Variants in MARCHF6 observed in about 807,000 individuals in gnomAD.
MARCHF6 encodes the protein E3 ubiquitin-protein ligase MARCHF6.
In MARCHF6, 31 loss-of-function variants were observed where a neutral mutation model predicts 133.7. That is an observed-to-expected ratio of 0.23 (90% CI 0.17 to 0.31). MARCHF6 has a LOEUF of 0.31. MARCHF6 is among the 10% of genes least tolerant of loss of function. The pLI is 1.00. For missense variants in MARCHF6, 723 were observed against 1,121.6 expected, an observed-to-expected ratio of 0.64 and a Z score of 5.08; for synonymous variants, 395 against 402.5, an observed-to-expected ratio of 0.98 and a Z score of 0.22.
At chr5:10,363,585 A>G (rs974956122) in intron 1 of MARCHF6, among the ~76,000 whole-genome samples, 1 of 152,218 alleles carries the variant, frequency 6.6e-6, no homozygotes, top group African/African-American at 2.4e-5. Flanking sequence ...CCTCAAAAAG[A>G]TAAGCTGAGT....
intron 10 of MARCHF6, 76 bp from the exon 11 acceptor site, chr5:10,400,708 T>G (rs1011630186): frequency 2.0e-5 from 21 of 1,065,302 alleles, no homozygotes; most frequent in Non-Finnish European, 3.1e-5. Flanking sequence ...CCTAGTTCCT[T>G]TTAGTGGGGA....
chr5:10,406,119 C>T (rs576512743), intron 16 of MARCHF6, among the ~76,000 whole-genome samples: 4 of 152,164 alleles, frequency 2.6e-5, no homozygotes, highest in Non-Finnish European at 4.4e-5. Context: ...ATTGTGTGCT[C>T]ATTATGAGAA....
At position 10,391,960 on chromosome 5, in the gene MARCHF6, C is replaced by CT. The variant is rs533523322; in HGVS notation, c.766+243dup. Among the ~76,000 whole-genome samples, 956 of 140,254 alleles carry CT rather than the reference C, an allele frequency of 6.8e-3. 8 individuals carry two copies. The highest frequency in any genetic ancestry group is 0.017 in the African/African-American group (654 of 38,370). The allele number at this position is 140,254 out of a possible 152,430, so 92.0% of individuals were successfully genotyped here. A position where few individuals can be genotyped will look rare whatever the true frequency, so the allele number is the denominator to read the frequency against. On this transcript the variant is annotated intron_variant, in intron 7 of 25. Coordinates refer to ENST00000274140, the MANE Select transcript of MARCHF6 (RefSeq NM_005885.4). ...GTTTTAAAATCCTTTTTACACAGGCCTTTTTTTTTTTTTTGGGAGACTGAG... is the reference window on the plus strand; with the variant it reads ...GTTTTAAAATCCTTTTTACACAGGCCTTTTTTTTTTTTTTTGGGAGACTGAG...
In MARCHF6 at chr5:10,375,033, C is replaced by G. The variant is rs370651905; in HGVS notation, c.20-2765C>G. On this transcript the variant is annotated intron_variant, in intron 1 of 25. Transcript: ENST00000274140. ...AGCCCTCGCTTGCTCTCGGCGCCTC[C>G]TCTGCCTGGGCTCCCACTTTGGCGG... is the stretch of plus-strand genomic sequence containing the variant. Among the ~76,000 whole-genome samples the G allele has an allele frequency of 8.7e-4, 132 of 152,360 alleles. 1 individual carries two copies. The South Asian group carries it at 0.012, about 14-fold the overall frequency.
intron 25 of MARCHF6, among the ~76,000 whole-genome samples, chr5:10,431,404 C>G (rs1220227303): frequency 6.6e-6 from 1 of 152,188 alleles, no homozygotes; most frequent in Non-Finnish European, 1.5e-5. Context: ...CCTTCTCAGC[C>G]TTTGCCAGGG....
chr5:10,357,958 A>G (rs1735578576), intron 1 of MARCHF6, among the ~76,000 whole-genome samples: 1 of 141,122 alleles, frequency 7.1e-6, no homozygotes, highest in South Asian at 2.2e-4. Flanking sequence ...ATATGAGGGC[A>G]TGGGTTGCTT....
rs1462441514 is a variant in MARCHF6 at position 10,417,252 on chromosome 5, G to T, written c.2149-18G>T. ...AGAAAGATCCTCTTTAATGATGTGG[G>T]CTCCTGTTTCCTAATAGATCATGAA... On this transcript the variant is annotated intron_variant, in intron 21 of 25. Coordinates refer to ENST00000274140, the MANE Select transcript of MARCHF6 (RefSeq NM_005885.4). The T allele has an allele frequency of 1.3e-6, 2 of 1,597,406 alleles. No individual in the cohort carries two copies. Among genetic ancestry groups the T allele is most frequent in the South Asian group, 1.1e-5 (1 of 87,624 alleles).
chr5:10,409,918 G>GACCT (rs1421270848), intron 17 of MARCHF6, among the ~76,000 whole-genome samples: 1 of 152,130 alleles, frequency 6.6e-6, no homozygotes. Flanking sequence ...AGAGAACCAA[G>GACCT]ACCTACCCAT....
At chr5:10,378,046 A>T (rs1736894782) in intron 2 of MARCHF6, 152 bp downstream of exon 2, 1 of 547,006 alleles carries the variant, frequency 1.8e-6, no homozygotes, top group African/African-American at 1.9e-5. Flanking sequence ...AAGCCCTTTT[A>T]TTGTAAAAAT....
chr5:10,372,796 T>A (rs1335303983), intron 1 of MARCHF6, among the ~76,000 whole-genome samples: 1 of 152,194 alleles, frequency 6.6e-6, no homozygotes, highest in African/African-American at 2.4e-5. Flanking sequence ...AATACCTATT[T>A]TAATGAGAAG....
At chr5:10,401,206 A>G (rs567763703) in intron 11 of MARCHF6, 8 of 179,404 alleles carry the variant, frequency 4.5e-5, no homozygotes, top group Non-Finnish European at 9.4e-5. Context: ...AATCAATTTA[A>G]AAAGGGTAGA....
intron 1 of MARCHF6, among the ~76,000 whole-genome samples, chr5:10,371,811 A>G (rs1736482287): frequency 6.6e-6 from 1 of 152,174 alleles, no homozygotes; most frequent in African/African-American, 2.4e-5. Context: ...CCTTCATTAA[A>G]GTTTCTAGTA....
intron 14 of MARCHF6, 63 bp from the exon 15 acceptor site, chr5:10,403,343 GA>G (rs777304148): frequency 5.3e-6 from 8 of 1,511,420 alleles, no homozygotes; most frequent in Middle Eastern, 1.8e-4. Context: ...CCTAGAAGAT[GA>G]AAATGTTAAC....
chr5:10,356,239 T>C (rs1323566339), intron 1 of MARCHF6, among the ~76,000 whole-genome samples: 2 of 152,046 alleles, frequency 1.3e-5, no homozygotes, highest in Middle Eastern at 3.4e-3. Context: ...TAGAAATTTT[T>C]TGGTAGGAGA....
chr5:10,369,612 C>CA (rs1325294314), intron 1 of MARCHF6, among the ~76,000 whole-genome samples: 1 of 29,140 alleles, frequency 3.4e-5, no homozygotes, highest in East Asian at 4.3e-4. Flanking sequence ...TACCCCCCCC[C>CA]CCCCTTGCAA....
chr5:10,418,812 C>T (rs1032130442), intron 22 of MARCHF6, among the ~76,000 whole-genome samples: 2 of 152,124 alleles, frequency 1.3e-5, no homozygotes, highest in East Asian at 3.9e-4. Flanking sequence ...TTTACACACT[C>T]TGATGGGAAA....
At chr5:10,404,337 G>A (rs907224399) in intron 15 of MARCHF6, among the ~76,000 whole-genome samples, 1 of 151,992 alleles carries the variant, frequency 6.6e-6, no homozygotes, top group African/African-American at 2.4e-5. Context: ...CAAAGTGCTG[G>A]GATTACAGGT....
rs1740760869 is a variant in MARCHF6, at chr5:10,439,134, G to A, written c.*5450G>A. On this transcript the variant is annotated 3_prime_UTR_variant, in exon 26 of 26. Coordinates refer to ENST00000274140, the MANE Select transcript of MARCHF6 (RefSeq NM_005885.4). ...GGGATCAGTCCCTTCTGCTGGCTGT[G>A]CATTGGTCTAATGGAACAGAATAGA... The A allele has an allele frequency of 6.6e-6, 1 of 152,142 alleles. No homozygotes were observed. The highest frequency in any genetic ancestry group is 2.4e-5 in the African/African-American group (1 of 41,406). 9.4% of individuals were successfully genotyped at this position (152,142 alleles called of 1,614,324 possible).
chr5:10,402,180 T>G (rs1738580308), intron 12 of MARCHF6, 41 bp downstream of exon 12: 1 of 1,292,910 alleles, frequency 7.7e-7, no homozygotes, highest in African/African-American at 1.5e-5. Context: ...ACTAATATTA[T>G]TCATACCAAA....
Sources: gnomAD v4.1 joint callset for allele counts (sites outside exome capture counted in the v4.1 genomes callset) on GRCh38, gnomAD v4.1.1 for gene constraint, MANE v1.5 for transcripts, NCBI Gene and HGNC (gene_info 2026-07-23, HGNC 2026-07-21) for gene names.